AIG1: variants seen among roughly 807,000 people sequenced by gnomAD.
AIG1 encodes the protein androgen induced 1, also known as androgen-induced gene 1 protein.
Under a neutral mutation model 31.4 loss-of-function variants are expected in AIG1, and 23 were observed. That is an observed-to-expected ratio of 0.73 (90% confidence interval 0.53 to 1.04). The LOEUF (loss-of-function observed/expected upper bound fraction) is 1.04. AIG1 is among the 50% of genes least tolerant of loss of function. The probability of loss-of-function intolerance (pLI) is 0.00; values close to 1 mark genes in which losing one functional copy is unlikely to be tolerated. For synonymous variants in AIG1, 100 were observed against 110.5 expected (o/e 0.90, Z 0.60); for missense variants, 274 against 295.0 (o/e 0.93, Z 0.52).
At position 143,195,108 on chromosome 6, in the gene AIG1, C is replaced by T. The variant is rs77458418; in HGVS notation, c.399+29925C>T. 3.9e-3 allele frequency among the ~76,000 whole-genome samples: 590 copies of T among 152,250 alleles called. 2 individuals carry two copies. The highest frequency in any genetic ancestry group is 0.013 in the African/African-American group (550 of 41,548). ...CAATAAAAGAGGGGAAATTAAAGCTCCTTGGAAGGGTGGAGAAGTGAAGAA... is the reference window on the plus strand; with the variant it reads ...CAATAAAAGAGGGGAAATTAAAGCTTCTTGGAAGGGTGGAGAAGTGAAGAA... On this transcript the variant is annotated intron_variant, in intron 3 of 5. Coordinates refer to ENST00000357847, the MANE Select transcript of AIG1 (RefSeq NM_016108.4).
chr6:143,334,016 C>G lies in AIG1; in HGVS notation c.679+571C>G. The G allele has an allele frequency of 6.6e-7, 1 of 1,523,572 alleles. No homozygotes were observed. The highest frequency in any genetic ancestry group is 8.9e-7 in the Non-Finnish European group (1 of 1,124,860). The allele number at this position is 1,523,572 out of a possible 1,614,324, so 94.4% of individuals were successfully genotyped here. A position where few individuals can be genotyped will look rare whatever the true frequency, so the allele number is the denominator to read the frequency against. The stretch of plus-strand genomic sequence containing the variant: ...CTACAAGCAGTAAAAGATAATATTT[C>G]GTGGCTGGAAAAACTCTTTTAACCT... On this transcript the variant is annotated intron_variant, in intron 5 of 5. Transcript: ENST00000357847. The surrounding 1 kb of genome is among the most constrained non-coding windows in gnomAD (Gnocchi z 5.1).
chr6:143,303,445 G>A (rs889479424), intron 4 of AIG1, among the ~76,000 whole-genome samples: 3 of 151,848 alleles, frequency 2.0e-5, no homozygotes, highest in Non-Finnish European at 3.0e-5. Context: ...TCTACATATG[G>A]CTAGCCAGTT....
intron 3 of AIG1, among the ~76,000 whole-genome samples, chr6:143,203,072 A>G (rs891737451): frequency 2.0e-5 from 3 of 152,220 alleles, no homozygotes; most frequent in Non-Finnish European, 4.4e-5. Flanking sequence ...CTATGATGCC[A>G]TGATACATAT....
intron 1 of AIG1, among the ~76,000 whole-genome samples, chr6:143,074,427 C>T (rs145392712): frequency 0.013 from 1,961 of 152,248 alleles, 135 homozygotes; most frequent in Admixed American, 0.12. Context: ...TTGTATATGG[C>T]GCAAGAGAAT....
chr6:143,238,003 C>T (rs935509849), intron 3 of AIG1, among the ~76,000 whole-genome samples: 1 of 152,098 alleles, frequency 6.6e-6, no homozygotes, highest in South Asian at 2.1e-4. Context: ...TGCAGTGGCA[C>T]GATCTCAGCT....
At chr6:143,072,568 TAG>T (rs1467391810) in intron 1 of AIG1, among the ~76,000 whole-genome samples, 1 of 152,070 alleles carries the variant, frequency 6.6e-6, no homozygotes. Flanking sequence ...AGTATGATGT[TAG>T]ATATAGATTT....
intron 3 of AIG1, among the ~76,000 whole-genome samples, chr6:143,264,556 G>A (rs1365177342): frequency 2.0e-5 from 3 of 152,162 alleles, no homozygotes; most frequent in African/African-American, 7.2e-5. Context: ...AGCACAAGGT[G>A]GGGGACCAGA....
intron 1 of AIG1, among the ~76,000 whole-genome samples, chr6:143,117,845 A>G (rs1583230410): frequency 6.6e-6 from 1 of 152,130 alleles, no homozygotes; most frequent in African/African-American, 2.4e-5. Flanking sequence ...CTCATGAGGT[A>G]CCTTCACTCT....
chr6:143,148,220 A>G (rs1784865907), intron 2 of AIG1, among the ~76,000 whole-genome samples: 1 of 151,664 alleles, frequency 6.6e-6, no homozygotes, highest in Admixed American at 6.6e-5. Flanking sequence ...TATATTATGG[A>G]CTGGACATGG....
At chr6:143,078,837 G>A (rs569675626) in intron 1 of AIG1, among the ~76,000 whole-genome samples, 3 of 152,338 alleles carry the variant, frequency 2.0e-5, no homozygotes, top group African/African-American at 4.8e-5. Flanking sequence ...ATTATGTGGT[G>A]AGGCTCAAGG....
chr6:143,280,579 G>A lies in AIG1; in HGVS notation c.400-3531G>A, dbSNP rs909195020. 2.0e-5 allele frequency among the ~76,000 whole-genome samples: 3 copies of A among 152,200 alleles called. No individual in the cohort carries two copies. The highest frequency in any genetic ancestry group is 4.4e-5 in the Non-Finnish European group (3 of 68,042). The stretch of plus-strand genomic sequence containing the variant: ...AGATCACGTCTTTTGCAGGAGCATG[G>A]ATGGAGATGGAGGCTGTAATCCTTA... On this transcript the variant is annotated intron_variant, in intron 3 of 5. Coordinates refer to ENST00000357847, the MANE Select transcript of AIG1 (RefSeq NM_016108.4). The surrounding 1 kb of genome is among the most constrained non-coding windows in gnomAD (Gnocchi z 4.1).
At chr6:143,153,556 C>T (rs1275708990) in intron 2 of AIG1, among the ~76,000 whole-genome samples, 1 of 152,110 alleles carries the variant, frequency 6.6e-6, no homozygotes, top group Non-Finnish European at 1.5e-5. Context: ...ACCATATTGG[C>T]CAGGCTGGTC....
rs754350999 is a variant in AIG1, at chr6:143,137,005, G to A, written c.297+15G>A. The A allele has an allele frequency of 8.1e-6, 11 of 1,365,916 alleles. No individual in the cohort carries two copies. Among genetic ancestry groups the A allele is most frequent in the South Asian group, 2.2e-5 (1 of 45,950 alleles). The allele number at this position is 1,365,916 out of a possible 1,614,324, so 84.6% of individuals were successfully genotyped here. A position where few individuals can be genotyped will look rare whatever the true frequency, so the allele number is the denominator to read the frequency against. On this transcript the variant is annotated intron_variant, in intron 2 of 5. Transcript: ENST00000357847. ...CTGTTGGGGTTGTGAGTATGATGGA[G>A]GATGCATTTAGCCACAAAAGAAACT...
intron 1 of AIG1, among the ~76,000 whole-genome samples, chr6:143,069,307 G>A (rs569993267): frequency 6.6e-5 from 10 of 152,080 alleles, no homozygotes; most frequent in Non-Finnish European, 1.0e-4. Flanking sequence ...ATGAGCCACC[G>A]CGCGCGGCCA....
At chr6:143,269,220 A>G (rs896087817) in intron 3 of AIG1, among the ~76,000 whole-genome samples, 5 of 152,364 alleles carry the variant, frequency 3.3e-5, no homozygotes, top group Non-Finnish European at 5.9e-5. Flanking sequence ...CAGTAGGACA[A>G]TCTGGATGGC....
At chr6:143,096,327 A>T (rs752107031) in intron 1 of AIG1, among the ~76,000 whole-genome samples, 5 of 152,238 alleles carry the variant, frequency 3.3e-5, no homozygotes, top group Non-Finnish European at 5.9e-5. Flanking sequence ...TAGCACCTGA[A>T]AGTACTGATC....
Position 143,136,937 on chromosome 6 carries a change from C to T in AIG1, c.244C>T (p.Leu82Phe), listed in dbSNP as rs780227222. 1.4e-5 allele frequency: 22 copies of T among 1,530,914 alleles called. No homozygotes were observed. The highest frequency in any genetic ancestry group is 1.9e-5 in the Non-Finnish European group (21 of 1,127,160). The allele number at this position is 1,530,914 out of a possible 1,614,324, so 94.8% of individuals were successfully genotyped here. A position where few individuals can be genotyped will look rare whatever the true frequency, so the allele number is the denominator to read the frequency against. ...GGAGCAAGAGAGGCAGCTCAAGAAG[C>T]TCATCTCTCTCCGGGACTGGATGTT... is the stretch of plus-strand genomic sequence containing the variant. ...NQEQERQLKKLISLRDWMLAV... is the reference protein window; with the variant it reads ...NQEQERQLKKFISLRDWMLAV... Residue 82 changes from leucine to phenylalanine, a missense_variant, in exon 2 of 6, where the codon CTC becomes TTC. Leu to Phe is a conservative substitution (Grantham distance 22). This residue lies in a region of AIG1 where 243 missense variants were observed against 238.5 expected (regional missense o/e 1.02). Transcript: ENST00000357847.
intron 3 of AIG1, among the ~76,000 whole-genome samples, chr6:143,212,201 T>C (rs758434377): frequency 6.6e-6 from 1 of 152,102 alleles, no homozygotes; most frequent in Non-Finnish European, 1.5e-5. Flanking sequence ...GGTTGAAAAA[T>C]GCTTGCAACC....
intron 3 of AIG1, among the ~76,000 whole-genome samples, chr6:143,282,529 T>C (rs959195405): frequency 6.6e-6 from 1 of 152,200 alleles, no homozygotes; most frequent in Non-Finnish European, 1.5e-5. Flanking sequence ...ACATGTACAT[T>C]GGCTTGCATG....
Sources: gnomAD v4.1 joint callset for allele counts (sites outside exome capture counted in the v4.1 genomes callset) on GRCh38, gnomAD v4.1.1 for gene constraint, gnomAD v4.1.1 regional missense constraint, Gnocchi (gnomAD v3.1) non-coding constraint, MANE v1.5 for transcripts, NCBI Gene and HGNC (gene_info 2026-07-23, HGNC 2026-07-21) for gene names.